VWA3B: variants seen among roughly 807,000 people sequenced by gnomAD.
VWA3B encodes von Willebrand factor A domain-containing protein 3B.
Under a neutral mutation model 158.3 loss-of-function variants are expected in VWA3B, and 138 were observed. That is an observed-to-expected ratio of 0.87 (90% CI 0.76 to 1.00). The LOEUF is 1.00. Among genes scored for constraint, VWA3B ranks in the 50% least tolerant of loss-of-function variants. The pLI is 0.00. For missense variants in VWA3B, 1,555 were observed against 1,565.1 expected (o/e 0.99, Z 0.11); for synonymous variants, 596 against 587.3 (o/e 1.01, Z -0.21).
intron 9 of VWA3B, among the ~76,000 whole-genome samples, chr2:98,183,500 G>A (rs1680765150): frequency 6.6e-6 from 1 of 152,124 alleles, no homozygotes; most frequent in Non-Finnish European, 1.5e-5. Flanking sequence ...ACTGGGAGGA[G>A]GAGACAAACA....
intron 21 of VWA3B, among the ~76,000 whole-genome samples, chr2:98,262,624 C>A (rs1687557100): frequency 6.6e-6 from 1 of 151,662 alleles, no homozygotes; most frequent in Non-Finnish European, 1.5e-5. Context: ...TTCCAGTATT[C>A]AATATGTCTG....
At chr2:98,134,202 T>C (rs1676087557) in intron 7 of VWA3B, among the ~76,000 whole-genome samples, 2 of 152,204 alleles carry the variant, frequency 1.3e-5, no homozygotes, top group Non-Finnish European at 2.9e-5. Context: ...GCCCTGGGCC[T>C]GTCAATGCCG....
At chr2:98,128,437 A>G in intron 6 of VWA3B, 29 bp downstream of exon 6, 3 of 1,604,750 alleles carry the variant, frequency 1.9e-6, no homozygotes, top group Non-Finnish European at 2.6e-6. Flanking sequence ...CTTGAGTGAC[A>G]GCAAGCGGGT....
chr2:98,168,674 G>A (rs1679318893), intron 8 of VWA3B, among the ~76,000 whole-genome samples: 1 of 151,982 alleles, frequency 6.6e-6, no homozygotes, highest in Non-Finnish European at 1.5e-5. Flanking sequence ...GAAAACTTAA[G>A]AGAAGAAAAT....
At chr2:98,109,617 T>C (rs937237704) in intron 2 of VWA3B, among the ~76,000 whole-genome samples, 1 of 152,192 alleles carries the variant, frequency 6.6e-6, no homozygotes, top group African/African-American at 2.4e-5. Flanking sequence ...TCTTTCCTGA[T>C]GGTCCAAGGT....
At chr2:98,168,895 A>C (rs1042807109) in intron 8 of VWA3B, among the ~76,000 whole-genome samples, 1 of 152,182 alleles carries the variant, frequency 6.6e-6, no homozygotes, top group African/African-American at 2.4e-5. Context: ...TGCGGGGAGG[A>C]AGTAGAAGGG....
intron 21 of VWA3B, 97 bp from the exon 22 acceptor site, chr2:98,270,585 T>G (rs1016170231): frequency 7.8e-7 from 1 of 1,283,840 alleles, no homozygotes; most frequent in African/African-American, 1.5e-5. Context: ...AGGGGAGAAT[T>G]TCTTAGGAAA....
intron 8 of VWA3B, among the ~76,000 whole-genome samples, chr2:98,179,783 T>C (rs1389269106): frequency 1.5e-5 from 1 of 68,784 alleles, no homozygotes; most frequent in Non-Finnish European, 3.1e-5. Flanking sequence ...TTCTTTCTCT[T>C]TCTTTTCTTT....
chr2:98,181,846 T>C (rs975861525), intron 9 of VWA3B, among the ~76,000 whole-genome samples: 1 of 152,144 alleles, frequency 6.6e-6, no homozygotes, highest in Non-Finnish European at 1.5e-5. Flanking sequence ...GAAATGTGGC[T>C]CAAGAATTTG....
chr2:98,177,112 G>A (rs1680077847), intron 8 of VWA3B, among the ~76,000 whole-genome samples: 1 of 152,238 alleles, frequency 6.6e-6, no homozygotes, highest in Non-Finnish European at 1.5e-5. Context: ...AGGAAGAGGA[G>A]TGGGCACTGA....
At chr2:98,203,461 A>G (rs1313039191) in intron 12 of VWA3B, among the ~76,000 whole-genome samples, 1 of 152,226 alleles carries the variant, frequency 6.6e-6, no homozygotes, top group Non-Finnish European at 1.5e-5. Flanking sequence ...CTTTATGCCT[A>G]TTGAAAACCT....
chr2:98,207,700 A>G, intron 12 of VWA3B: 2 of 415,112 alleles, frequency 4.8e-6, no homozygotes, highest in South Asian at 4.0e-5. Flanking sequence ...GTTTGGCAGA[A>G]GCTGATACGC....
intron 20 of VWA3B, among the ~76,000 whole-genome samples, chr2:98,254,706 C>T (rs1308334127): frequency 2.0e-5 from 3 of 152,202 alleles, no homozygotes; most frequent in Non-Finnish European, 4.4e-5. Context: ...GTACTACTAT[C>T]CCCACTTTAC....
At chr2:98,130,608 T>C (rs922280594) in intron 6 of VWA3B, among the ~76,000 whole-genome samples, 1 of 152,230 alleles carries the variant, frequency 6.6e-6, no homozygotes, top group African/African-American at 2.4e-5. Flanking sequence ...GCATGCTGCC[T>C]TCAAGCATCT....
intron 13 of VWA3B, 77 bp from the exon 14 acceptor site, chr2:98,217,769 A>G: frequency 7.3e-7 from 1 of 1,365,646 alleles, no homozygotes; most frequent in African/African-American, 1.5e-5. Flanking sequence ...TGTAGTAAAT[A>G]CTAAGGATTT....
intron 22 of VWA3B, among the ~76,000 whole-genome samples, chr2:98,285,233 C>T (rs1056028681): frequency 1.3e-5 from 2 of 152,086 alleles, no homozygotes; most frequent in Non-Finnish European, 2.9e-5. Flanking sequence ...AACCACTAAT[C>T]AATTTGTCTC....
intron 19 of VWA3B, among the ~76,000 whole-genome samples, chr2:98,237,259 C>A (rs543698575): frequency 6.6e-6 from 1 of 152,124 alleles, no homozygotes; most frequent in African/African-American, 2.4e-5. Flanking sequence ...TCGTTGCTAA[C>A]GGATAGAAGT....
intron 7 of VWA3B, among the ~76,000 whole-genome samples, chr2:98,134,215 G>A (rs1676089450): frequency 6.6e-6 from 1 of 152,204 alleles, no homozygotes; most frequent in East Asian, 1.9e-4. Flanking sequence ...CAATGCCGGA[G>A]TTAGTTCTTG....
At chr2:98,120,077 T>A (rs1674848474) in intron 4 of VWA3B, among the ~76,000 whole-genome samples, 3 of 152,232 alleles carry the variant, frequency 2.0e-5, no homozygotes, top group Non-Finnish European at 4.4e-5. Context: ...CATAAATCTC[T>A]TCATTCATTT....
Sources: gnomAD v4.1 joint callset for allele counts (sites outside exome capture counted in the v4.1 genomes callset) on GRCh38, gnomAD v4.1.1 for gene constraint, MANE v1.5 for transcripts, NCBI Gene and HGNC (gene_info 2026-07-23, HGNC 2026-07-21) for gene names.